The following IRAK4 variants were observed in gnomAD, a reference collection of about 807,000 sequenced individuals.
The protein encoded by IRAK4 is interleukin-1 receptor-associated kinase 4.
IRAK4 carries 44 observed loss-of-function variants against 51.8 expected under a neutral mutation model. That is an observed-to-expected ratio of 0.85 (90% CI 0.67 to 1.09). The LOEUF is 1.09. Ranked by LOEUF, IRAK4 falls within the 50% of genes least tolerant of loss-of-function variation. The probability of loss-of-function intolerance (pLI) is 0.00; values close to 1 mark genes in which losing one functional copy is unlikely to be tolerated. For synonymous variants in IRAK4, 149 were observed against 174.1 expected, an observed-to-expected ratio of 0.86 and a Z score of 1.13; for missense variants, 487 against 538.0, an observed-to-expected ratio of 0.91 and a Z score of 0.94.
intron 8 of IRAK4, among the ~76,000 whole-genome samples, chr12:43,778,846 A>G (rs1941530199): frequency 6.6e-6 from 1 of 152,150 alleles, no homozygotes; most frequent in African/African-American, 2.4e-5. Context: ...CAAGAAAGTG[A>G]CATTTAAGCA....
intron 9 of IRAK4, 104 bp downstream of exon 9, chr12:43,782,594 A>G (rs548140096): frequency 1.0e-6 from 1 of 977,362 alleles, no homozygotes; most frequent in African/African-American, 1.6e-5. Flanking sequence ...TCTCTTATGT[A>G]ACAATATAAG....
intron 2 of IRAK4, 178 bp downstream of exon 2, chr12:43,768,450 C>T (rs1940403330): frequency 1.7e-6 from 1 of 584,506 alleles, no homozygotes; most frequent in African/African-American, 1.9e-5. Flanking sequence ...CTTCTTTGTC[C>T]CATATGTCAA....
rs571580877 is a variant in IRAK4, at chr12:43,759,308, C to T, written c.-10+292C>T. 8 of 152,386 alleles carry T rather than the reference C, an allele frequency of 5.2e-5. No individual in the cohort carries two copies. The East Asian group carries it at 1.5e-3, about 29-fold the overall frequency. 9.4% of individuals were successfully genotyped at this position (152,386 alleles called of 1,614,324 possible). A position where few individuals can be genotyped will look rare whatever the true frequency, so the allele number is the denominator to read the frequency against. On this transcript the variant is annotated intron_variant, in intron 1 of 11. Coordinates refer to ENST00000613694, the MANE Select transcript of IRAK4 (RefSeq NM_016123.4). ...CGCAGTCGGACCTCAAGTTTCTCAC[C>T]TCTCAGGCCCTGGATTCCGTGAACC...
In IRAK4 at chr12:43,772,474, A is replaced by C. The variant is rs4251472; in HGVS notation, c.490+112A>C. 1,634 of 923,730 alleles carry C rather than the reference A, an allele frequency of 1.8e-3. 20 individuals carry two copies. In the African/African-American group the frequency reaches 0.021, roughly 12 times the overall value. 57.2% of individuals were successfully genotyped at this position (923,730 alleles called of 1,614,324 possible). On this transcript the variant is annotated intron_variant, in intron 4 of 11. Transcript: ENST00000613694. ...TGCAGCAATCACAGGCACACTGGCA[A>C]TAGCTCTTTTGTGAGTTGTTTCCTC...
At chr12:43,768,813 C>T (rs1051218736) in intron 2 of IRAK4, among the ~76,000 whole-genome samples, 27 of 152,186 alleles carry the variant, frequency 1.8e-4, no homozygotes, top group African/African-American at 6.3e-4. Flanking sequence ...CCTTTTTACT[C>T]ATCTCTGCTC....
At chr12:43,760,334 T>C (rs1025095552) in intron 1 of IRAK4, among the ~76,000 whole-genome samples, 17 of 152,344 alleles carry the variant, frequency 1.1e-4, no homozygotes, top group African/African-American at 3.6e-4. Flanking sequence ...TGGTAGGCTC[T>C]CCTAAATGCT....
At position 43,778,238 on chromosome 12, in the gene IRAK4, C is replaced by T. The variant is rs121908002; in HGVS notation, c.877C>T (p.Gln293Ter). 6.4e-4 allele frequency: 1,035 copies of T among 1,611,692 alleles called. No homozygotes were observed. Among genetic ancestry groups the T allele is most frequent in the Non-Finnish European group, 8.6e-4 (1,009 of 1,178,030 alleles). The change falls in exon 8 of 12, where the codon CAG (glutamine) becomes TAG (stop). Residue 293 changes from glutamine to a stop codon, truncating the protein, a stop_gained. Transcript: ENST00000613694. LOFTEE classifies it high-confidence loss of function. ...TTGGCACATGAGATGCAAGATTGCTCAGGGTGCAGCTAATGGCATCAATTT... is the reference window on the plus strand; with the variant it reads ...TTGGCACATGAGATGCAAGATTGCTTAGGGTGCAGCTAATGGCATCAATTT... ...LSWHMRCKIAQGAANGINFLH... is the reference protein window; with the variant it reads ...LSWHMRCKIA
intron 1 of IRAK4, among the ~76,000 whole-genome samples, chr12:43,759,863 G>A (rs1474905124): frequency 1.6e-4 from 21 of 133,936 alleles, no homozygotes; most frequent in Non-Finnish European, 2.8e-4. Context: ...GGGAGACTCC[G>A]TCTCAAAAGA....
At chr12:43,763,416 A>G (rs185515963) in intron 1 of IRAK4, 4 of 152,370 alleles carry the variant, frequency 2.6e-5, no homozygotes, top group Admixed American at 2.6e-4. Flanking sequence ...GAGATTAGCA[A>G]AACTTTAAAA....
chr12:43,768,191 A>T lies in IRAK4; in HGVS notation c.80A>T (p.Asp27Val). 1.2e-6 allele frequency: 2 copies of T among 1,613,436 alleles called. No homozygotes were observed. The highest frequency in any genetic ancestry group is 1.7e-6 in the Non-Finnish European group (2 of 1,179,520). The stretch of plus-strand genomic sequence containing the variant: ...ATTAGGAAGCTGTCAGATTTTATTG[A>T]TCCTCAAGAAGGATGGAAGAAGTTA... Reference protein sequence around the residue: ...GLIRKLSDFIDPQEGWKKLAV... With the variant: ...GLIRKLSDFIVPQEGWKKLAV... Residue 27 changes from aspartate (D) to valine (V), a missense_variant, in exon 2 of 12, where the codon GAT (aspartate) becomes GTT (valine). Asp to Val is a radical substitution (Grantham distance 152). Transcript: ENST00000613694.
chr12:43,769,525 G>A (rs144421888), intron 2 of IRAK4, among the ~76,000 whole-genome samples: 4 of 152,144 alleles, frequency 2.6e-5, no homozygotes, highest in South Asian at 2.1e-4. Context: ...GGTAGTGCAC[G>A]CCTGTAGTCC....
chr12:43,783,487 T>C (rs765296895), intron 9 of IRAK4, among the ~76,000 whole-genome samples, 175 bp from the exon 10 acceptor site: 2 of 152,040 alleles, frequency 1.3e-5, no homozygotes, highest in Non-Finnish European at 2.9e-5. Context: ...CCAGCCAATG[T>C]TTTTTTAAAA....
rs191820009 is a variant in IRAK4 at position 43,783,197 on chromosome 12, T to C, written c.1126-465T>C. Among the ~76,000 whole-genome samples the C allele has an allele frequency of 3.5e-4, 53 of 152,284 alleles. 1 individual carries two copies. The highest frequency in any genetic ancestry group is 4.0e-4 in the Non-Finnish European group (27 of 68,022). Reference sequence around the variant, plus strand: ...TGCCCAAAGCTCATGTTCTTTCCACTTTAATATCTAAAAGACATAGCTTTG... The same window carrying C: ...TGCCCAAAGCTCATGTTCTTTCCACCTTAATATCTAAAAGACATAGCTTTG... On this transcript the variant is annotated intron_variant, in intron 9 of 11. Transcript: ENST00000613694.
chr12:43,759,872 G>GA (rs1160443880), intron 1 of IRAK4, among the ~76,000 whole-genome samples: 2,214 of 76,536 alleles, frequency 0.029, 57 homozygotes, highest in African/African-American at 0.063. Context: ...CGTCTCAAAA[G>GA]AAAAAAAAAA....
At chr12:43,783,999 T>C (rs1442634362) in intron 10 of IRAK4, among the ~76,000 whole-genome samples, 4 of 152,166 alleles carry the variant, frequency 2.6e-5, no homozygotes, top group African/African-American at 9.7e-5. Flanking sequence ...AGGTCCTCTT[T>C]AGCTTATGTT....
intron 1 of IRAK4, among the ~76,000 whole-genome samples, chr12:43,765,612 T>C (rs1940046919): frequency 6.7e-6 from 1 of 148,386 alleles, no homozygotes; most frequent in Admixed American, 6.6e-5. Context: ...TATGAGTTTA[T>C]TTTGGAAATA....
chr12:43,761,539 C>A (rs1404256854), intron 1 of IRAK4, among the ~76,000 whole-genome samples: 2 of 151,936 alleles, frequency 1.3e-5, no homozygotes, highest in Non-Finnish European at 2.9e-5. Flanking sequence ...ATTCTTACAG[C>A]AATTCTTAGG....
intron 2 of IRAK4, among the ~76,000 whole-genome samples, chr12:43,769,181 A>G (rs987037063): frequency 6.6e-6 from 1 of 152,050 alleles, no homozygotes; most frequent in Non-Finnish European, 1.5e-5. Flanking sequence ...TTCCTGTGAC[A>G]GAAAAAGCTT....
Position 43,772,321 on chromosome 12 carries a change from C to G in IRAK4, c.449C>G (p.Ser150Cys). Residue 150 changes from serine to cysteine, a missense_variant, in exon 4 of 12, where the codon TCC (serine) becomes TGC (cysteine). Ser to Cys is a moderately radical substitution (Grantham distance 112, BLOSUM62 -1). Transcript: ENST00000613694. ...GAACAAAGCTATATGCCACCTGACT[C>G]CTCAAGTCCAGAAAATAAAAGTTTA... is the stretch of plus-strand genomic sequence containing the variant. ...NLEQSYMPPD[S>C]SSPENKSLEV... 1 of 1,613,318 alleles carries G rather than the reference C, an allele frequency of 6.2e-7. No individual in the cohort carries two copies. The highest frequency in any genetic ancestry group is 8.5e-7 in the Non-Finnish European group (1 of 1,179,918).
Sources: allele counts gnomAD v4.1 joint callset (sites outside exome capture counted in the v4.1 genomes callset), GRCh38; gene constraint gnomAD v4.1.1; transcripts MANE v1.5; gene names NCBI Gene and HGNC (gene_info 2026-07-23, HGNC 2026-07-21).